Variants in BRD10 observed in about 807,000 individuals in gnomAD.
BRD10 encodes the protein uncharacterized bromodomain-containing protein 10.
the BRD10 span, chr9:5,921,484 C>G: frequency 6.2e-7 from 1 of 1,613,874 alleles, no homozygotes; most frequent in Non-Finnish European, 8.5e-7. Flanking sequence ...AAACTAATTT[C>G]TGGGCAGAAA....
chr9:5,952,312 GGCCCGGCCA>G, the BRD10 span, among the ~76,000 whole-genome samples: 1 of 151,918 alleles, frequency 6.6e-6, no homozygotes. Flanking sequence ...TGAGCCACTG[GGCCCGGCCA>G]AGACCATTTT....
chr9:5,981,791 G>A, the BRD10 span, among the ~76,000 whole-genome samples: 1 of 152,112 alleles, frequency 6.6e-6, no homozygotes, highest in Admixed American at 6.6e-5. Context: ...GTCACATGAT[G>A]TAATACTATT....
the BRD10 span, among the ~76,000 whole-genome samples, chr9:5,894,528 G>A: frequency 6.6e-6 from 1 of 152,150 alleles, no homozygotes; most frequent in African/African-American, 2.4e-5. The surrounding 1 kb of genome is among the most constrained non-coding windows in gnomAD (Gnocchi z 4.0). Flanking sequence ...AGAGATTTTT[G>A]TTTGGCTGGT....
chr9:5,911,547 T>C, the BRD10 span, among the ~76,000 whole-genome samples: 6 of 151,234 alleles, frequency 4.0e-5, no homozygotes, highest in Non-Finnish European at 8.9e-5. Flanking sequence ...CTTTTCTTTT[T>C]TTTTTTTTGA....
chr9:5,898,606 G>A, the BRD10 span, among the ~76,000 whole-genome samples: 1 of 152,092 alleles, frequency 6.6e-6, no homozygotes, highest in Non-Finnish European at 1.5e-5. Context: ...AAGCACTGAC[G>A]GTTTATAGGG....
the BRD10 span, among the ~76,000 whole-genome samples, chr9:5,939,208 CT>C: frequency 1.3e-5 from 2 of 152,170 alleles, no homozygotes; most frequent in East Asian, 3.9e-4. Flanking sequence ...TATAAAACCA[CT>C]TATTACACGT....
chr9:5,997,085 AG>A, the BRD10 span, among the ~76,000 whole-genome samples: 1 of 152,236 alleles, frequency 6.6e-6, no homozygotes, highest in Non-Finnish European at 1.5e-5. Flanking sequence ...CAATGGCACA[AG>A]GAAGAAAGGC....
At chr9:5,989,785 TC>T in the BRD10 span, among the ~76,000 whole-genome samples, 2 of 152,130 alleles carry the variant, frequency 1.3e-5, no homozygotes, top group African/African-American at 4.8e-5. Context: ...CACCTTGGCC[TC>T]CCAAAGTGCT....
chr9:5,933,155 A>G, the BRD10 span, among the ~76,000 whole-genome samples: 1 of 152,214 alleles, frequency 6.6e-6, no homozygotes, highest in African/African-American at 2.4e-5. Flanking sequence ...AATATATTTA[A>G]TAAGCTTTAT....
the BRD10 span, among the ~76,000 whole-genome samples, chr9:5,887,382 C>A: frequency 6.6e-6 from 1 of 152,158 alleles, no homozygotes; most frequent in African/African-American, 2.4e-5. Context: ...ATGCCAGCTG[C>A]CTGTTGTCTC....
the BRD10 span, among the ~76,000 whole-genome samples, chr9:5,980,792 CA>C: frequency 6.6e-6 from 1 of 152,038 alleles, no homozygotes; most frequent in Non-Finnish European, 1.5e-5. Context: ...AAAGTATTAC[CA>C]TATTAAAATA....
At chr9:5,889,099 A>G in the BRD10 span, among the ~76,000 whole-genome samples, 26,745 of 152,168 alleles carry the variant, frequency 0.18, 2,428 homozygotes, top group Middle Eastern at 0.21. Context: ...TGAAACCATT[A>G]TATCTGAGAA....
chr9:6,008,044 G>A, the BRD10 span: 1 of 1,133,966 alleles, frequency 8.8e-7, no homozygotes, highest in Non-Finnish European at 1.1e-6. Flanking sequence ...CCTCCCCCCC[G>A]GCGGCGGCGC....
the BRD10 span, chr9:5,924,546 G>C: frequency 3.4e-6 from 2 of 581,846 alleles, no homozygotes; most frequent in South Asian, 1.1e-4. Context: ...AAACATAACA[G>C]ATTTCCCTAA....
chr9:5,909,796 AG>A, the BRD10 span: 2 of 152,246 alleles, frequency 1.3e-5, no homozygotes, highest in Non-Finnish European at 2.9e-5. Flanking sequence ...AATGTGCAGA[AG>A]AAATCATAAA....
the BRD10 span, among the ~76,000 whole-genome samples, chr9:5,984,506 T>C: frequency 0.2 from 30,640 of 152,036 alleles, 3,239 homozygotes; most frequent in Middle Eastern, 0.31. Flanking sequence ...TTAAAGAATG[T>C]AAGCAATATT....
chr9:5,923,548 T>A, the BRD10 span, among the ~76,000 whole-genome samples: 6 of 152,170 alleles, frequency 3.9e-5, no homozygotes, highest in Admixed American at 2.6e-4. Flanking sequence ...ATTTTTTTGG[T>A]CAAAATTTTT....
chr9:6,000,151 G>A, the BRD10 span, among the ~76,000 whole-genome samples: 1 of 151,982 alleles, frequency 6.6e-6, no homozygotes, highest in African/African-American at 2.4e-5. Context: ...CATTTTCTTG[G>A]TTTTCCTGAA....
chr9:5,884,435 C>T, the BRD10 span, among the ~76,000 whole-genome samples: 1 of 152,184 alleles, frequency 6.6e-6, no homozygotes, highest in Non-Finnish European at 1.5e-5. Flanking sequence ...CCATATGGAA[C>T]GACTCACAAT....
Sources: allele counts gnomAD v4.1 joint callset (sites outside exome capture counted in the v4.1 genomes callset), GRCh38; gene constraint gnomAD v4.1.1; non-coding constraint Gnocchi (gnomAD v3.1); transcripts MANE v1.5; gene names NCBI Gene and HGNC (gene_info 2026-07-23, HGNC 2026-07-21).